ASAP1: variants seen among roughly 807,000 people sequenced by gnomAD.
ASAP1 encodes the protein ArfGAP with SH3 domain, ankyrin repeat and PH domain 1, also known as arf-GAP with SH3 domain, ANK repeat and PH domain-containing protein 1.
ASAP1 carries 43 observed loss-of-function variants against 145.2 expected under a neutral mutation model. That is an observed-to-expected ratio of 0.30 (90% CI 0.23 to 0.38). ASAP1 has a LOEUF of 0.38. ASAP1 is among the 10% of genes least tolerant of loss of function. The probability of loss-of-function intolerance (pLI) is 1.00; values close to 1 mark genes in which losing one functional copy is unlikely to be tolerated. For synonymous variants in ASAP1, 546 were observed against 515.5 expected (o/e 1.06, Z -0.80); for missense variants, 1,018 against 1,355.3 (o/e 0.75, Z 3.91).
intron 3 of ASAP1, among the ~76,000 whole-genome samples, chr8:130,288,465 T>C (rs924993010): frequency 6.6e-6 from 1 of 152,190 alleles, no homozygotes; most frequent in Non-Finnish European, 1.5e-5. Flanking sequence ...AGGCGCAGTG[T>C]CCTACCTGCA....
intron 3 of ASAP1, among the ~76,000 whole-genome samples, chr8:130,340,356 G>C (rs2137903772): frequency 6.6e-6 from 1 of 152,322 alleles, no homozygotes; most frequent in East Asian, 1.9e-4. Context: ...AACAAGGTTA[G>C]ACCCTCAGGA....
At chr8:130,085,698 G>C in intron 25 of ASAP1, among the ~76,000 whole-genome samples, 1 of 138,302 alleles carries the variant, frequency 7.2e-6, no homozygotes, top group South Asian at 2.4e-4. Flanking sequence ...TTGTGCCACT[G>C]TACTCCAGCC....
chr8:130,428,436 C>CTAT (rs1830011179), intron 1 of ASAP1, among the ~76,000 whole-genome samples: 1 of 3,498 alleles, frequency 2.9e-4, no homozygotes, highest in Non-Finnish European at 6.9e-4. Context: ...ATCATCATCA[C>CTAT]CACCACCACC....
chr8:130,067,423 T>A (rs777902448), intron 27 of ASAP1, among the ~76,000 whole-genome samples: 36 of 152,116 alleles, frequency 2.4e-4, no homozygotes, highest in Non-Finnish European at 3.8e-4. Flanking sequence ...ATTGACAGGG[T>A]CTCACTCTGT....
rs2097577538 is a variant in ASAP1, at chr8:130,127,969, G to A, written c.1339C>T (p.Arg447Trp). ...CAGCAAATGTCATTCCCTGGGAGCC[G>A]CTGGACATCCTCAATAATGGCTTTT... ...LTKAIIEDVQ[R>W]LPGNDICCDC... is the part of the protein sequence containing the mutation. The change falls in exon 16 of 30, where the codon CGG (arginine) becomes TGG (tryptophan). Residue 447 changes from arginine (R) to tryptophan (W), a missense_variant. Arg to Trp is a moderately radical substitution (Grantham distance 101). Coordinates refer to ENST00000518721, the MANE Select transcript of ASAP1 (RefSeq NM_018482.4). The A allele has an allele frequency of 1.2e-6, 2 of 1,613,918 alleles. No homozygotes were observed. The highest frequency in any genetic ancestry group is 1.7e-6 in the Non-Finnish European group (2 of 1,179,968).
intron 3 of ASAP1, among the ~76,000 whole-genome samples, chr8:130,355,780 T>C (rs951212680): frequency 5.9e-5 from 9 of 152,172 alleles, no homozygotes; most frequent in Non-Finnish European, 1.3e-4. Flanking sequence ...TAAAAAAACC[T>C]AAAGCATACT....
At chr8:130,323,483 C>T (rs966666470) in intron 3 of ASAP1, among the ~76,000 whole-genome samples, 3 of 152,204 alleles carry the variant, frequency 2.0e-5, no homozygotes, top group Non-Finnish European at 4.4e-5. Context: ...TTTCAAGGCA[C>T]AGATTTCCAC....
intron 1 of ASAP1, among the ~76,000 whole-genome samples, chr8:130,436,154 G>C (rs1164877850): frequency 6.6e-6 from 1 of 152,154 alleles, no homozygotes; most frequent in Admixed American, 6.5e-5. Context: ...GGAAAGAAAA[G>C]GACCCAAGGA....
intron 2 of ASAP1, among the ~76,000 whole-genome samples, chr8:130,371,815 G>T (rs868401510): frequency 6.6e-6 from 1 of 152,188 alleles, no homozygotes; most frequent in Non-Finnish European, 1.5e-5. Flanking sequence ...TGGTCAGAGA[G>T]GGAAAACAAA....
At chr8:130,357,285 T>C (rs1586899563) in intron 3 of ASAP1, among the ~76,000 whole-genome samples, 1 of 151,356 alleles carries the variant, frequency 6.6e-6, no homozygotes, top group African/African-American at 2.4e-5. Context: ...CCCTTCTCCG[T>C]GTCTGGTCAG....
chr8:130,297,159 G>A (rs1302474372), intron 3 of ASAP1, among the ~76,000 whole-genome samples: 1 of 152,160 alleles, frequency 6.6e-6, no homozygotes, highest in African/African-American at 2.4e-5. Flanking sequence ...TGGGCCAGGC[G>A]CTGCACTGGT....
At chr8:130,143,516 T>A (rs1420440097) in intron 13 of ASAP1, among the ~76,000 whole-genome samples, 1 of 151,590 alleles carries the variant, frequency 6.6e-6, no homozygotes, top group African/African-American at 2.4e-5. Context: ...TACACACCCC[T>A]CTCCTACACA....
chr8:130,284,024 A>G lies in ASAP1; in HGVS notation c.187-47030T>C, dbSNP rs1307571605. On this transcript the variant is annotated intron_variant, in intron 3 of 29. Transcript: ENST00000518721. ...AACCTTGTGGAGGACTGGGTATGTG[A>G]TGAGGACAGCTTTTTGTTAGACTCA... Among the ~76,000 whole-genome samples the G allele has an allele frequency of 2.6e-5, 4 of 152,260 alleles. No individual in the cohort carries two copies. The East Asian group carries it at 7.7e-4, about 29-fold the overall frequency.
chr8:130,092,275 G>T, intron 24 of ASAP1, 132 bp from the exon 25 acceptor site: 1 of 945,204 alleles, frequency 1.1e-6, no homozygotes, highest in Non-Finnish European at 1.5e-6. Flanking sequence ...GGCTGGATAT[G>T]GCTAACTCCA....
chr8:130,216,005 GAAAGGAAAGGAA>G (rs1476670565), intron 4 of ASAP1, among the ~76,000 whole-genome samples: 6 of 120,872 alleles, frequency 5.0e-5, no homozygotes, highest in South Asian at 5.9e-4. Context: ...GAAAGGAAAG[GAAAGGAAAGGAA>G]AAAGGAAAGG....
At chr8:130,080,472 CTCTCTCT>C (rs1161509444) in intron 25 of ASAP1, among the ~76,000 whole-genome samples, 3 of 92,240 alleles carry the variant, frequency 3.3e-5, no homozygotes, top group Non-Finnish European at 7.6e-5. Flanking sequence ...GTCATTCATT[CTCTCTCT>C]TTTTTTTTTT....
intron 9 of ASAP1, 128 bp downstream of exon 9, chr8:130,179,136 G>A: frequency 1.8e-6 from 1 of 545,896 alleles, no homozygotes. Flanking sequence ...CCATTTAGCT[G>A]AAAAAGGTCA....
chr8:130,080,412 G>A (rs2097476404), intron 25 of ASAP1, among the ~76,000 whole-genome samples: 1 of 151,960 alleles, frequency 6.6e-6, no homozygotes, highest in African/African-American at 2.4e-5. Context: ...TAGCAGGGTG[G>A]TGGATAAGTG....
At chr8:130,320,117 AAAT>A (rs1161222425) in intron 3 of ASAP1, among the ~76,000 whole-genome samples, 1 of 152,368 alleles carries the variant, frequency 6.6e-6, no homozygotes, top group East Asian at 1.9e-4. Context: ...TTAAAAAATA[AAAT>A]AAAAAAGGGA....
Sources: gnomAD v4.1 joint callset for allele counts (sites outside exome capture counted in the v4.1 genomes callset) on GRCh38, gnomAD v4.1.1 for gene constraint, MANE v1.5 for transcripts, NCBI Gene and HGNC (gene_info 2026-07-23, HGNC 2026-07-21) for gene names.